NWD2: variants seen among roughly 807,000 people sequenced by gnomAD.
NWD2 encodes the protein NACHT and WD repeat domain containing 2.
NWD2 carries 37 observed loss-of-function variants against 132.7 expected under a neutral mutation model. That is an observed-to-expected ratio of 0.28 (90% CI 0.21 to 0.37). NWD2 has a LOEUF of 0.37. Ranked by LOEUF, NWD2 falls within the 10% of genes least tolerant of loss-of-function variation. NWD2 has a pLI of 1.00. For synonymous variants in NWD2, 705 were observed against 803.0 expected, an observed-to-expected ratio of 0.88 and a Z score of 2.06; for missense variants, 1,592 against 2,122.4, an observed-to-expected ratio of 0.75 and a Z score of 4.91.
At chr4:37,389,244 C>T (rs1165068439) in intron 3 of NWD2, among the ~76,000 whole-genome samples, 2 of 152,220 alleles carry the variant, frequency 1.3e-5, no homozygotes, top group Non-Finnish European at 2.9e-5. Context: ...CCTCAGGCCA[C>T]TCTGTTTCTC....
chr4:37,347,011 A>T (rs867048539), intron 2 of NWD2, among the ~76,000 whole-genome samples: 1 of 152,058 alleles, frequency 6.6e-6, no homozygotes, highest in Non-Finnish European at 1.5e-5. Flanking sequence ...AAATTTTAGT[A>T]TATTGTACCT....
At chr4:37,408,907 A>G (rs996808604) in intron 3 of NWD2, among the ~76,000 whole-genome samples, 1 of 152,210 alleles carries the variant, frequency 6.6e-6, no homozygotes, top group African/African-American at 2.4e-5. Flanking sequence ...GTGAACCTCC[A>G]GCAAACACCA....
At chr4:37,308,885 C>T (rs1447463534) in intron 1 of NWD2, among the ~76,000 whole-genome samples, 12 of 5,274 alleles carry the variant, frequency 2.3e-3, no homozygotes, top group African/African-American at 9.2e-3. Flanking sequence ...GGTAGTTTCA[C>T]TGATGGTATG....
intron 1 of NWD2, among the ~76,000 whole-genome samples, chr4:37,264,370 T>C (rs1185188349): frequency 6.6e-6 from 1 of 152,186 alleles, no homozygotes; most frequent in African/African-American, 2.4e-5. Context: ...GATGTTCCTC[T>C]ACCTCCCTCC....
In NWD2 at chr4:37,442,970, T is replaced by G. The variant is rs796223098; in HGVS notation, c.1297-315T>G. On this transcript the variant is annotated intron_variant, in intron 6 of 6. Coordinates refer to ENST00000309447, the MANE Select transcript of NWD2 (RefSeq NM_001144990.2). ...TACAAAGCTGACCATACTAGATATTTGTATTTATAATTCATGAAACACCTT... is the reference window on the plus strand; with the variant it reads ...TACAAAGCTGACCATACTAGATATTGGTATTTATAATTCATGAAACACCTT... 2.0e-5 allele frequency among the ~76,000 whole-genome samples: 3 copies of G among 152,080 alleles called. No individual in the cohort carries two copies. The East Asian group carries it at 5.8e-4, about 29-fold the overall frequency.
intron 3 of NWD2, among the ~76,000 whole-genome samples, chr4:37,394,799 G>GTTTTTTTTTTTTTTTTTTTTTTTTT (rs1175840735): frequency 3.8e-5 from 2 of 52,598 alleles, no homozygotes; most frequent in Non-Finnish European, 6.4e-5. Flanking sequence ...AACCTTTATG[G>GTTTTTTTTTTTTTTTTTTTTTTTTT]TTTTTTTTTT....
At chr4:37,310,865 T>A (rs1479926770) in intron 1 of NWD2, among the ~76,000 whole-genome samples, 4 of 144,964 alleles carry the variant, frequency 2.8e-5, no homozygotes, top group Non-Finnish European at 6.0e-5. Context: ...TTCCCACCTA[T>A]GAGTGAGAAC....
intron 2 of NWD2, among the ~76,000 whole-genome samples, chr4:37,339,092 G>T (rs1000920587): frequency 1.3e-5 from 2 of 152,110 alleles, no homozygotes; most frequent in African/African-American, 4.8e-5. Flanking sequence ...AACCTGTTTA[G>T]GTCTCTTCAC....
intron 1 of NWD2, among the ~76,000 whole-genome samples, chr4:37,311,978 A>T (rs1302351742): frequency 6.6e-6 from 1 of 150,908 alleles, no homozygotes; most frequent in African/African-American, 2.5e-5. Context: ...GCTCTGTTCC[A>T]TTGATCTATA....
chr4:37,324,129 G>A (rs950907755), intron 1 of NWD2, among the ~76,000 whole-genome samples: 10 of 152,030 alleles, frequency 6.6e-5, no homozygotes, highest in African/African-American at 2.2e-4. Flanking sequence ...TAACAAACCT[G>A]CACATGTACC....
intron 3 of NWD2, among the ~76,000 whole-genome samples, chr4:37,370,662 T>C (rs1007825400): frequency 6.6e-6 from 1 of 152,200 alleles, no homozygotes; most frequent in African/African-American, 2.4e-5. Context: ...CCTATAGCAG[T>C]CTCAGTGAAG....
intron 1 of NWD2, among the ~76,000 whole-genome samples, chr4:37,308,478 A>ATGC: frequency 6.6e-6 from 1 of 152,280 alleles, no homozygotes; most frequent in Non-Finnish European, 1.5e-5. Context: ...TTGGAGGGGT[A>ATGC]TGCTGGTCAG....
At chr4:37,401,410 G>A (rs978412963) in intron 3 of NWD2, among the ~76,000 whole-genome samples, 4 of 152,110 alleles carry the variant, frequency 2.6e-5, no homozygotes, top group Non-Finnish European at 4.4e-5. Flanking sequence ...TTTGTCTCTT[G>A]TACTTTTGAT....
chr4:37,263,598 T>TAGCA (rs1717692533), intron 1 of NWD2, among the ~76,000 whole-genome samples: 1 of 152,172 alleles, frequency 6.6e-6, no homozygotes, highest in African/African-American at 2.4e-5. Flanking sequence ...GATAATGTAT[T>TAGCA]GAAGGCATTT....
Position 37,443,424 on chromosome 4 carries a change from G to A in NWD2, c.1436G>A (p.Arg479Gln), listed in dbSNP as rs535613170. Residue 479 changes from arginine (R) to glutamine (Q), a missense_variant, in exon 7 of 7, where the codon CGG becomes CAG. This residue lies in a region of NWD2 where 1,071 missense variants were observed against 1,398.0 expected (regional missense o/e 0.77). Coordinates refer to ENST00000309447, the MANE Select transcript of NWD2 (RefSeq NM_001144990.2). The surrounding 1 kb of genome is among the most constrained non-coding windows in gnomAD (Gnocchi z 4.1). The part of the protein sequence containing the change: ...SVCEQLAVNY[R>Q]CLVQSYPKKI... ...TGTGAACAATTGGCAGTTAACTACC[G>A]GTGTCTGGTTCAAAGCTACCCTAAG... 29 of 1,552,112 alleles carry A rather than the reference G, an allele frequency of 1.9e-5. No individual in the cohort carries two copies. The highest frequency in any genetic ancestry group is 5.9e-5 in the Admixed American group (3 of 50,988).
intron 1 of NWD2, among the ~76,000 whole-genome samples, chr4:37,321,722 T>C (rs1719073811): frequency 6.6e-6 from 1 of 152,232 alleles, no homozygotes; most frequent in South Asian, 2.1e-4. Context: ...CCAGCTTATC[T>C]GTCACTCATC....
At chr4:37,249,932 A>G (rs1717318254) in intron 1 of NWD2, among the ~76,000 whole-genome samples, 1 of 152,114 alleles carries the variant, frequency 6.6e-6, no homozygotes, top group South Asian at 2.1e-4. Context: ...TTCCCTTTAT[A>G]TGTGTACATG....
At chr4:37,429,863 T>C (rs1232856311) in intron 3 of NWD2, among the ~76,000 whole-genome samples, 3 of 152,244 alleles carry the variant, frequency 2.0e-5, no homozygotes, top group Non-Finnish European at 4.4e-5. Flanking sequence ...AGTAAAAAGT[T>C]ATATAGATTT....
At chr4:37,418,289 G>T (rs1711685602) in intron 3 of NWD2, among the ~76,000 whole-genome samples, 1 of 28,524 alleles carries the variant, frequency 3.5e-5, no homozygotes, top group African/African-American at 1.0e-4. Flanking sequence ...ATATCAATGA[G>T]TCCATACTAA....
Sources: gnomAD v4.1 joint callset for allele counts (sites outside exome capture counted in the v4.1 genomes callset) on GRCh38, gnomAD v4.1.1 for gene constraint, gnomAD v4.1.1 regional missense constraint, Gnocchi (gnomAD v3.1) non-coding constraint, MANE v1.5 for transcripts, NCBI Gene and HGNC (gene_info 2026-07-23, HGNC 2026-07-21) for gene names.